EPG5: variants seen among roughly 807,000 people sequenced by gnomAD.
The protein encoded by EPG5 is ectopic P-granules 5 autophagy tethering factor, also known as ectopic P granules protein 5 homolog.
A neutral mutation model predicts 302.7 loss-of-function variants in EPG5; 159 were observed. That is an observed-to-expected ratio of 0.53 (90% confidence interval 0.46 to 0.60). The LOEUF is 0.60. Ranked by LOEUF, EPG5 falls within the 20% of genes least tolerant of loss-of-function variation. The pLI is 0.00. For synonymous variants in EPG5, 1,158 were observed against 1,136.8 expected (o/e 1.02, Z -0.37); for missense variants, 2,896 against 3,092.4 (o/e 0.94, Z 1.51).
intron 27 of EPG5, among the ~76,000 whole-genome samples, chr18:45,897,364 A>T (rs1475134711): frequency 6.6e-6 from 1 of 152,244 alleles, no homozygotes; most frequent in Non-Finnish European, 1.5e-5. Flanking sequence ...TCTGGCAAAG[A>T]TATGTAGTTT....
At chr18:45,828,844 G>C in the EPG5 span, among the ~76,000 whole-genome samples, 1 of 152,174 alleles carries the variant, frequency 6.6e-6, no homozygotes, top group Non-Finnish European at 1.5e-5. Context: ...AAATAGCAGC[G>C]GTCACCCAAA....
At position 45,867,748 on chromosome 18, in the gene EPG5, C is replaced by A. The variant is rs1277644596; in HGVS notation, c.6226G>T (p.Val2076Leu). Reference protein sequence around the residue: ...DQMLMEAFFKVERGSPKSCFL... With the variant: ...DQMLMEAFFKLERGSPKSCFL... ...CAGCTCTTGGGGCTTCCTCGTTCCA[C>A]CTAAAAGAAAATGAATTAAAATCAT... Residue 2076 changes from valine (V) to leucine (L), a missense_variant and splice_region_variant, in exon 37 of 44, where the codon GTG (valine) becomes TTG (leucine). Physicochemically the swap from Val to Leu is conservative, Grantham distance 32. Coordinates refer to ENST00000282041, the MANE Select transcript of EPG5 (RefSeq NM_020964.3). 2 of 1,588,752 alleles carry A rather than the reference C, an allele frequency of 1.3e-6. No individual in the cohort carries two copies. Among genetic ancestry groups the A allele is most frequent in the African/African-American group, 2.7e-5 (2 of 73,482 alleles).
chr18:45,802,920 C>T, the EPG5 span, among the ~76,000 whole-genome samples: 1 of 152,216 alleles, frequency 6.6e-6, no homozygotes, highest in African/African-American at 2.4e-5. Context: ...CACATGGCCC[C>T]TTCCCCCAGT....
chr18:45,936,720 CAAA>C (rs762675563), intron 10 of EPG5, among the ~76,000 whole-genome samples: 4 of 53,860 alleles, frequency 7.4e-5, no homozygotes, highest in Non-Finnish European at 1.1e-4. Flanking sequence ...GACTCCATTT[CAAA>C]AAAAAAAAAA....
chr18:45,927,261 G>A (rs866587102), intron 13 of EPG5, among the ~76,000 whole-genome samples: 5 of 151,886 alleles, frequency 3.3e-5, no homozygotes, highest in Non-Finnish European at 5.9e-5. Context: ...GGATGGTCTC[G>A]ATCTCCTGAC....
chr18:45,878,208 TC>T (rs2049013390), intron 34 of EPG5, among the ~76,000 whole-genome samples, 167 bp downstream of exon 34: 1 of 152,196 alleles, frequency 6.6e-6, no homozygotes. Context: ...GACTAGCAAT[TC>T]CATAAATAGA....
chr18:45,908,385 T>C (rs1700460459), intron 23 of EPG5, among the ~76,000 whole-genome samples: 1 of 152,182 alleles, frequency 6.6e-6, no homozygotes, highest in South Asian at 2.1e-4. Flanking sequence ...GAAAAGATGA[T>C]TTTTACCACA....
chr18:45,919,802 G>A (rs2050115341), intron 16 of EPG5, among the ~76,000 whole-genome samples: 1 of 152,008 alleles, frequency 6.6e-6, no homozygotes, highest in African/African-American at 2.4e-5. Flanking sequence ...GTGAGCCACT[G>A]CACCCGGCCT....
intron 1 of EPG5, among the ~76,000 whole-genome samples, chr18:45,961,940 CT>C (rs1381635778): frequency 1.3e-5 from 2 of 149,408 alleles, no homozygotes; most frequent in Non-Finnish European, 3.0e-5. Context: ...TGTTCTTTTT[CT>C]TTTTTCCATA....
At chr18:45,836,135 C>T in the EPG5 span, among the ~76,000 whole-genome samples, 1 of 152,160 alleles carries the variant, frequency 6.6e-6, no homozygotes, top group African/African-American at 2.4e-5. Flanking sequence ...GACTCCTGCC[C>T]AAGGAGCAAA....
At chr18:45,899,661 G>A (rs970669472) in intron 26 of EPG5, 95 bp from the exon 27 acceptor site, 20 of 1,298,762 alleles carry the variant, frequency 1.5e-5, no homozygotes, top group Admixed American at 2.0e-5. Context: ...GCATTATAGT[G>A]CAGCAAAAGA....
the EPG5 span, chr18:45,840,069 T>G: frequency 3.5e-6 from 3 of 851,558 alleles, no homozygotes; most frequent in Non-Finnish European, 5.5e-6. Context: ...ATGGCACAGC[T>G]TCACACCCTG....
intron 10 of EPG5, 80 bp from the exon 11 acceptor site, chr18:45,935,046 GA>G: frequency 7.2e-7 from 1 of 1,382,134 alleles, no homozygotes; most frequent in Non-Finnish European, 9.8e-7. Context: ...GGCTCTCAAG[GA>G]AAAAAAGATT....
At chr18:45,896,167 G>A (rs998053815) in intron 27 of EPG5, among the ~76,000 whole-genome samples, 3 of 152,216 alleles carry the variant, frequency 2.0e-5, no homozygotes, top group African/African-American at 7.2e-5. Flanking sequence ...TAACTTTCAA[G>A]ATTATTTAAG....
At position 45,944,116 on chromosome 18, in the gene EPG5, C is replaced by T; in HGVS notation, c.1681G>A (p.Glu561Lys). 1 of 1,602,046 alleles carries T rather than the reference C, an allele frequency of 6.2e-7. No individual in the cohort carries two copies. Among genetic ancestry groups the T allele is most frequent in the East Asian group, 2.2e-5 (1 of 44,812 alleles). ...TLVDEGGEEDEDPETSWILLN... is the reference protein window; with the variant it reads ...TLVDEGGEEDKDPETSWILLN... ...AGAATCCAACTGGTCTCAGGGTCTT[C>T]ATCCTAAGGGAAAAGACAAAAAATC... The change falls in exon 8 of 44, where the codon GAA becomes AAA. Residue 561 changes from glutamate (E) to lysine (K), a missense_variant. Glu to Lys is a moderately conservative substitution (Grantham distance 56). This residue lies in a region of EPG5 where 1,390 missense variants were observed against 1,430.0 expected (regional missense o/e 0.97). Coordinates refer to ENST00000282041, the MANE Select transcript of EPG5 (RefSeq NM_020964.3).
intron 39 of EPG5, among the ~76,000 whole-genome samples, chr18:45,864,563 C>T (rs760464058): frequency 5.9e-5 from 9 of 152,240 alleles, no homozygotes; most frequent in Admixed American, 1.3e-4. Flanking sequence ...CTGTTGTTTT[C>T]TATTACTTTG....
intron 36 of EPG5, among the ~76,000 whole-genome samples, chr18:45,870,185 T>C (rs1378903823): frequency 6.6e-6 from 1 of 152,138 alleles, no homozygotes; most frequent in African/African-American, 2.4e-5. Flanking sequence ...TCAGTACCAA[T>C]TTACATTTGC....
chr18:45,879,395 T>C lies in EPG5; in HGVS notation c.5668-181A>G, dbSNP rs183464726. ...TTTTTGTTTTTGTTTTGAGGTAGAGTCTTGCTCTGTCGCCTAGGCTGGAGT... is the reference window on the plus strand; with the variant it reads ...TTTTTGTTTTTGTTTTGAGGTAGAGCCTTGCTCTGTCGCCTAGGCTGGAGT... On this transcript the variant is annotated intron_variant, in intron 32 of 43. Transcript: ENST00000282041. 3.3e-5 allele frequency among the ~76,000 whole-genome samples: 5 copies of C among 152,268 alleles called. No individual in the cohort carries two copies. The East Asian group carries it at 9.7e-4, about 29-fold the overall frequency.
At chr18:45,837,464 C>G in the EPG5 span, 1 of 1,424,352 alleles carries the variant, frequency 7.0e-7, no homozygotes, top group South Asian at 1.5e-5. Context: ...CGGGTGCGGG[C>G]GCCTCGACCC....
Sources: allele counts gnomAD v4.1 joint callset (sites outside exome capture counted in the v4.1 genomes callset), GRCh38; gene constraint gnomAD v4.1.1; regional missense constraint gnomAD v4.1.1; transcripts MANE v1.5; gene names NCBI Gene and HGNC (gene_info 2026-07-23, HGNC 2026-07-21).